The following SKAP2 variants were observed in gnomAD, a reference collection of about 807,000 sequenced individuals.
SKAP2 encodes the protein src kinase-associated phosphoprotein 2.
A neutral mutation model predicts 54.9 loss-of-function variants in SKAP2; 28 were observed. The observed-to-expected ratio is 0.51, with a 90% CI of 0.38 to 0.70. The LOEUF is 0.70. Ranked by LOEUF, SKAP2 falls within the 30% of genes least tolerant of loss-of-function variation. SKAP2 has a pLI of 0.00. For missense variants in SKAP2, 356 were observed against 424.1 expected, an observed-to-expected ratio of 0.84 and a Z score of 1.41; for synonymous variants, 137 against 134.3, an observed-to-expected ratio of 1.02 and a Z score of -0.14.
At chr7:26,723,331 G>A (rs1329003167) in intron 9 of SKAP2, among the ~76,000 whole-genome samples, 1 of 152,150 alleles carries the variant, frequency 6.6e-6, no homozygotes, top group African/African-American at 2.4e-5. Flanking sequence ...TTACATTGGG[G>A]AAGAAGGGAA....
intron 4 of SKAP2, among the ~76,000 whole-genome samples, chr7:26,792,432 T>C (rs531984406): frequency 1.3e-5 from 2 of 152,316 alleles, no homozygotes; most frequent in Non-Finnish European, 1.5e-5. Context: ...CATTTCTATA[T>C]ATCTCACATA....
intron 4 of SKAP2, among the ~76,000 whole-genome samples, chr7:26,834,967 T>C (rs1327401351): frequency 6.6e-6 from 1 of 152,100 alleles, no homozygotes; most frequent in Non-Finnish European, 1.5e-5. Flanking sequence ...GCAAACAAAA[T>C]CCAGCAGCAC....
At chr7:26,709,140 G>T (rs909027194) in intron 9 of SKAP2, among the ~76,000 whole-genome samples, 1 of 152,106 alleles carries the variant, frequency 6.6e-6, no homozygotes, top group Non-Finnish European at 1.5e-5. Flanking sequence ...ATAAAACATA[G>T]GGAGATGGGA....
chr7:26,683,270 T>C (rs1464702259), intron 11 of SKAP2, among the ~76,000 whole-genome samples: 1 of 152,218 alleles, frequency 6.6e-6, no homozygotes, highest in Non-Finnish European at 1.5e-5. Context: ...AAAGCTGTTA[T>C]CTTAACTCAG....
chr7:26,812,976 G>T (rs1286839938), intron 4 of SKAP2, among the ~76,000 whole-genome samples: 1 of 152,052 alleles, frequency 6.6e-6, no homozygotes, highest in Non-Finnish European at 1.5e-5. Context: ...TCTATTAAAG[G>T]TAAGTTCATT....
chr7:26,679,102 C>T (rs1786423975), intron 11 of SKAP2, among the ~76,000 whole-genome samples: 1 of 152,150 alleles, frequency 6.6e-6, no homozygotes, highest in East Asian at 1.9e-4. Flanking sequence ...TACAGGTGGG[C>T]TCCTTTCCAA....
intron 11 of SKAP2, among the ~76,000 whole-genome samples, chr7:26,675,276 T>G (rs2128084677): frequency 6.6e-6 from 1 of 152,282 alleles, no homozygotes; most frequent in Non-Finnish European, 1.5e-5. Context: ...CAATACAACC[T>G]GCCGCACTAC....
At chr7:26,712,845 A>C (rs1188963364) in intron 9 of SKAP2, among the ~76,000 whole-genome samples, 1 of 152,192 alleles carries the variant, frequency 6.6e-6, no homozygotes, top group Non-Finnish European at 1.5e-5. Context: ...AGTGATGTGG[A>C]AGGTATAAAG....
chr7:26,701,055 T>C (rs1787011434), intron 9 of SKAP2, among the ~76,000 whole-genome samples: 5 of 152,192 alleles, frequency 3.3e-5, no homozygotes, highest in Admixed American at 3.3e-4. Context: ...ATTCCACTCA[T>C]AAGGTACTGC....
chr7:26,827,288 G>A (rs990434226), intron 4 of SKAP2, among the ~76,000 whole-genome samples: 5 of 152,104 alleles, frequency 3.3e-5, no homozygotes, highest in East Asian at 3.9e-4. Flanking sequence ...ATATGTTTCC[G>A]CTTTTTAGGT....
At chr7:26,764,302 G>C (rs1209443611) in intron 4 of SKAP2, among the ~76,000 whole-genome samples, 4 of 152,016 alleles carry the variant, frequency 2.6e-5, no homozygotes, top group Non-Finnish European at 4.4e-5. Context: ...ATAAAAAATA[G>C]GAATAGCATA....
intron 4 of SKAP2, among the ~76,000 whole-genome samples, chr7:26,838,977 T>C (rs992168186): frequency 6.6e-6 from 1 of 152,168 alleles, no homozygotes; most frequent in African/African-American, 2.4e-5. Context: ...CTCCTCTTCA[T>C]GTACTGTGTA....
At chr7:26,756,794 C>A (rs552417534) in intron 4 of SKAP2, among the ~76,000 whole-genome samples, 1 of 152,302 alleles carries the variant, frequency 6.6e-6, no homozygotes, top group South Asian at 2.1e-4. Flanking sequence ...ACAGTCCCAC[C>A]AACAGTGTAA....
chr7:26,741,390 G>C (rs754120137), intron 4 of SKAP2, among the ~76,000 whole-genome samples: 1 of 151,650 alleles, frequency 6.6e-6, no homozygotes, highest in Non-Finnish European at 1.5e-5. Flanking sequence ...AGTGGTATAC[G>C]CGCCTGCAGT....
chr7:26,662,718 A>G (rs1277710750), downstream of SKAP2, among the ~76,000 whole-genome samples: 1 of 152,200 alleles, frequency 6.6e-6, no homozygotes, highest in Non-Finnish European at 1.5e-5. Context: ...CAGAGAGATA[A>G]TAACACACAT....
At chr7:26,799,614 G>A (rs1439903972) in intron 4 of SKAP2, among the ~76,000 whole-genome samples, 1 of 152,106 alleles carries the variant, frequency 6.6e-6, no homozygotes, top group Admixed American at 6.5e-5. Context: ...ATAATAGCTG[G>A]AGACTTCAAT....
At chr7:26,735,140 C>CA (rs1198154028) in intron 6 of SKAP2, among the ~76,000 whole-genome samples, 1 of 152,154 alleles carries the variant, frequency 6.6e-6, no homozygotes, top group Non-Finnish European at 1.5e-5. Flanking sequence ...ATCCACAAAA[C>CA]CCAAACTGTG....
intron 4 of SKAP2, among the ~76,000 whole-genome samples, chr7:26,824,823 T>C (rs1252190723): frequency 6.6e-6 from 1 of 152,192 alleles, no homozygotes; most frequent in African/African-American, 2.4e-5. Flanking sequence ...CCATGGGCTG[T>C]AGATTGCCAA....
downstream of SKAP2, among the ~76,000 whole-genome samples, chr7:26,663,731 G>T (rs1358538443): frequency 2.0e-5 from 3 of 152,114 alleles, no homozygotes; most frequent in Non-Finnish European, 4.4e-5. Context: ...CCCCTGGCTG[G>T]TCCCTTTACT....
Sources: gnomAD v4.1 joint callset for allele counts (sites outside exome capture counted in the v4.1 genomes callset) on GRCh38, gnomAD v4.1.1 for gene constraint, MANE v1.5 for transcripts, NCBI Gene and HGNC (gene_info 2026-07-23, HGNC 2026-07-21) for gene names.